FKBP5: variants seen among roughly 807,000 people sequenced by gnomAD.
FKBP5 encodes the protein FKBP prolyl isomerase 5, also known as peptidyl-prolyl cis-trans isomerase FKBP5.
A neutral mutation model predicts 50.5 loss-of-function variants in FKBP5; 23 were observed. The ratio of observed to expected loss-of-function variants is 0.46; its 90% CI spans 0.33 to 0.65. The LOEUF (loss-of-function observed/expected upper bound fraction) is 0.65. Ranked by LOEUF, FKBP5 falls within the 30% of genes least tolerant of loss-of-function variation. The pLI is 0.02. For missense variants in FKBP5, 411 were observed against 553.1 expected (o/e 0.74, Z 2.58); for synonymous variants, 176 against 190.6 (o/e 0.92, Z 0.63).
intron 5 of FKBP5, among the ~76,000 whole-genome samples, chr6:35,618,167 T>C (rs1763715512): frequency 6.6e-6 from 1 of 152,176 alleles, no homozygotes. Flanking sequence ...AAATTTTACC[T>C]CTTAAGGTTG....
At chr6:35,706,681 C>T (rs530508859) in intron 2 of FKBP5, among the ~76,000 whole-genome samples, 1 of 152,062 alleles carries the variant, frequency 6.6e-6, no homozygotes, top group Non-Finnish European at 1.5e-5. Flanking sequence ...ATTTTAAAAC[C>T]CACATACTCA....
At chr6:35,607,374 T>C (rs1193015885) in intron 5 of FKBP5, among the ~76,000 whole-genome samples, 1 of 151,880 alleles carries the variant, frequency 6.6e-6, no homozygotes, top group Admixed American at 6.6e-5. Context: ...CTTGGCCTTT[T>C]TTTTTTTTCT....
chr6:35,679,744 T>G (rs187845379), intron 1 of FKBP5, among the ~76,000 whole-genome samples: 171 of 151,682 alleles, frequency 1.1e-3, no homozygotes, highest in African/African-American at 3.6e-3. Flanking sequence ...GCATACAGAG[T>G]GATATAATGG....
intron 1 of FKBP5, among the ~76,000 whole-genome samples, chr6:35,645,945 G>A (rs552381796): frequency 4.5e-4 from 68 of 152,168 alleles, no homozygotes; most frequent in Middle Eastern, 3.4e-3. Flanking sequence ...ATGAAACCCC[G>A]TCTCTACTAA....
At chr6:35,591,900 T>C (rs556517308) in intron 6 of FKBP5, among the ~76,000 whole-genome samples, 11 of 152,342 alleles carry the variant, frequency 7.2e-5, no homozygotes, top group African/African-American at 2.2e-4. Context: ...TATCAGAGTG[T>C]AGGATTCTAT....
intron 5 of FKBP5, among the ~76,000 whole-genome samples, chr6:35,607,185 ACCT>A (rs1763349613): frequency 6.6e-6 from 1 of 151,672 alleles, no homozygotes. Context: ...TGATCCACCC[ACCT>A]CAGCCTCCCA....
intron 2 of FKBP5, among the ~76,000 whole-genome samples, chr6:35,716,931 A>C (rs1384878358): frequency 6.6e-6 from 1 of 152,230 alleles, no homozygotes; most frequent in East Asian, 1.9e-4. Flanking sequence ...CATCTGCAGC[A>C]ATGGGAAGAA....
intron 2 of FKBP5, among the ~76,000 whole-genome samples, chr6:35,702,505 T>A (rs1230069937): frequency 6.6e-6 from 1 of 150,944 alleles, no homozygotes; most frequent in Non-Finnish European, 1.5e-5. Flanking sequence ...CAGGCTGGAG[T>A]GCAGTGGCAT....
intron 3 of FKBP5, among the ~76,000 whole-genome samples, chr6:35,624,500 T>A (rs1343829984): frequency 6.6e-6 from 1 of 151,244 alleles, no homozygotes; most frequent in African/African-American, 2.4e-5. Context: ...AAAAAAAATT[T>A]TTTTTTTGTC....
chr6:35,605,550 C>T (rs922358871), intron 5 of FKBP5, among the ~76,000 whole-genome samples: 1 of 151,828 alleles, frequency 6.6e-6, no homozygotes, highest in African/African-American at 2.4e-5. Context: ...GTGCATGCCA[C>T]TATGTGTGGC....
chr6:35,684,455 G>A (rs944968575), intron 1 of FKBP5, among the ~76,000 whole-genome samples: 5 of 152,098 alleles, frequency 3.3e-5, no homozygotes, highest in African/African-American at 9.7e-5. Flanking sequence ...TGGCATTACA[G>A]GCGTGAGTCA....
intron 5 of FKBP5, among the ~76,000 whole-genome samples, chr6:35,611,598 A>T (rs6926133): frequency 3.9e-5 from 6 of 152,176 alleles, no homozygotes; most frequent in Non-Finnish European, 7.4e-5. Flanking sequence ...AATGTAGCCA[A>T]GACCTGCAAT....
chr6:35,681,617 C>A (rs1432977195), intron 1 of FKBP5, among the ~76,000 whole-genome samples: 1 of 152,010 alleles, frequency 6.6e-6, no homozygotes, highest in African/African-American at 2.4e-5. Flanking sequence ...TAGTTTATTC[C>A]TACTGTGAAA....
intron 2 of FKBP5, among the ~76,000 whole-genome samples, chr6:35,705,268 T>A (rs1766286788): frequency 1.9e-4 from 3 of 15,988 alleles, no homozygotes; most frequent in Non-Finnish European, 2.8e-4. Context: ...ATTTTTTTTT[T>A]TTTTTTTTTT....
At chr6:35,696,621 A>G (rs762098536) in intron 2 of FKBP5, among the ~76,000 whole-genome samples, 2 of 152,328 alleles carry the variant, frequency 1.3e-5, no homozygotes, top group Middle Eastern at 3.4e-3. Context: ...AAAAATGCCA[A>G]TTCTTCCCAA....
rs188357910 is a variant in FKBP5 at position 35,581,372 on chromosome 6, G to A, written c.841-1151C>T. 1,855 of 241,244 alleles carry A rather than the reference G, an allele frequency of 7.7e-3. 30 individuals carry two copies. Among genetic ancestry groups the A allele is most frequent in the African/African-American group, 0.037 (1,587 of 42,832 alleles). The allele number at this position is 241,244 out of a possible 1,614,324, so 14.9% of individuals were successfully genotyped here. On this transcript the variant is annotated intron_variant, in intron 8 of 10. Transcript: ENST00000357266. ...CTGTAATCCCAGCACTTTGGAGGCCGAGACAGGTGGATCACCTGAGGTCAG... is the reference window on the plus strand; with the variant it reads ...CTGTAATCCCAGCACTTTGGAGGCCAAGACAGGTGGATCACCTGAGGTCAG...
chr6:35,713,328 A>G (rs558246714), intron 2 of FKBP5, among the ~76,000 whole-genome samples: 12 of 152,218 alleles, frequency 7.9e-5, no homozygotes, highest in African/African-American at 1.7e-4. Context: ...GGACAGCCCA[A>G]TGGAATTTTG....
chr6:35,587,191 G>T, intron 7 of FKBP5, 74 bp from the exon 8 acceptor site: 1 of 1,333,836 alleles, frequency 7.5e-7, no homozygotes. Context: ...GGAACAAAGA[G>T]CAGCTAATTC....
intron 2 of FKBP5, among the ~76,000 whole-genome samples, chr6:35,715,130 C>T (rs1357650515): frequency 6.6e-6 from 1 of 152,122 alleles, no homozygotes; most frequent in South Asian, 2.1e-4. Flanking sequence ...GAACTCCTGG[C>T]CTCAGGTGAT....
Sources: allele counts gnomAD v4.1 joint callset (sites outside exome capture counted in the v4.1 genomes callset), GRCh38; gene constraint gnomAD v4.1.1; transcripts MANE v1.5; gene names NCBI Gene and HGNC (gene_info 2026-07-23, HGNC 2026-07-21).